Variants in PAX7 observed in about 807,000 individuals in gnomAD.
The protein encoded by PAX7 is paired box 7.
PAX7 carries 18 observed loss-of-function variants against 50.7 expected under a neutral mutation model. The observed-to-expected ratio is 0.36, with a 90% CI of 0.25 to 0.53. The LOEUF is 0.53. Among genes scored for constraint, PAX7 ranks in the 20% least tolerant of loss-of-function variants. PAX7 has a pLI of 0.93. For synonymous variants in PAX7, 310 were observed against 290.4 expected (o/e 1.07, Z -0.69); for missense variants, 644 against 702.9 (o/e 0.92, Z 0.95).
chr1:18,718,562 C>T (rs573195845), intron 7 of PAX7, among the ~76,000 whole-genome samples: 14 of 152,090 alleles, frequency 9.2e-5, no homozygotes, highest in Admixed American at 1.3e-4. Context: ...AGTGGAGGAA[C>T]GTGGGGATCT....
In PAX7 at chr1:18,636,753, A is replaced by AG. The variant is rs1229508755; in HGVS notation, c.586+387dup. Among the ~76,000 whole-genome samples, 1 of 110,246 alleles carries AG rather than the reference A, an allele frequency of 9.1e-6. No individual in the cohort carries two copies. Among genetic ancestry groups the AG allele is most frequent in the African/African-American group, 3.5e-5 (1 of 28,950 alleles). The allele number at this position is 110,246 out of a possible 152,430, so 72.3% of individuals were successfully genotyped here. On this transcript the variant is annotated intron_variant, in intron 4 of 8. Transcript: ENST00000420770. The surrounding 1 kb of genome is among the most constrained non-coding windows in gnomAD (Gnocchi z 5.1). ...CAATTATTTATAGGAAACTTGGGCA[A>AG]GGGGGCGGGGGACGGGAGGGAGGGA...
At chr1:18,744,693 G>GATGGATGGATGGAGGGATAA (rs1931346165) in intron 8 of PAX7, 121 bp from the exon 9 acceptor site, 1 of 322,486 alleles carries the variant, frequency 3.1e-6, no homozygotes, top group Non-Finnish European at 5.3e-6. Context: ...TGGATAAATG[G>GATGGATGGATGGAGGGATAA]ATGGATGGAT....
At chr1:18,669,506 A>G (rs2088712926) in intron 4 of PAX7, among the ~76,000 whole-genome samples, 1 of 152,208 alleles carries the variant, frequency 6.6e-6, no homozygotes, top group Non-Finnish European at 1.5e-5. Context: ...AGCAAGTCAC[A>G]TTCCCTCTCT....
intron 1 of PAX7, among the ~76,000 whole-genome samples, 169 bp downstream of exon 1, chr1:18,631,857 T>C (rs1472981117): frequency 6.6e-6 from 1 of 152,116 alleles, no homozygotes; most frequent in East Asian, 1.9e-4. Flanking sequence ...CTGGGACCCA[T>C]ACTTGTCCGC....
In PAX7 at chr1:18,631,676, T is replaced by A. The variant is rs1455400108; in HGVS notation, c.73T>A (p.Phe25Ile). The change falls in exon 1 of 9, where the codon TTC (phenylalanine) becomes ATC (isoleucine). Residue 25 changes from phenylalanine to isoleucine, a missense_variant. Coordinates refer to ENST00000420770, the MANE Select transcript of PAX7 (RefSeq NM_001135254.2). ...GGGGCAGAACTACCCCCGCACGGGA[T>A]TCCCTTTGGAAGGTAAGAACGCCCA... ...APGQNYPRTG[F>I]PLEVSTPLGQ... 2 of 1,612,386 alleles carry A rather than the reference T, an allele frequency of 1.2e-6. No homozygotes were observed. Among genetic ancestry groups the A allele is most frequent in the Non-Finnish European group, 1.7e-6 (2 of 1,179,600 alleles).
chr1:18,661,426 T>C (rs1203402897), intron 4 of PAX7, among the ~76,000 whole-genome samples: 4 of 152,220 alleles, frequency 2.6e-5, no homozygotes, highest in African/African-American at 4.8e-5. Flanking sequence ...GATTAGACTT[T>C]AATCCTCCTC....
chr1:18,661,875 G>T (rs1414255733), intron 4 of PAX7, among the ~76,000 whole-genome samples: 4 of 152,238 alleles, frequency 2.6e-5, no homozygotes, highest in Non-Finnish European at 5.9e-5. Context: ...CCGGGAGGGG[G>T]AAGTTAAGCG....
chr1:18,716,666 GTCC>G (rs1487954392), intron 7 of PAX7, among the ~76,000 whole-genome samples: 1 of 150,788 alleles, frequency 6.6e-6, no homozygotes, highest in East Asian at 2.0e-4. Context: ...TCCAGCCTGG[GTCC>G]TCTCTCCACC....
chr1:18,716,994 G>C (rs1358676858), intron 7 of PAX7, among the ~76,000 whole-genome samples: 1 of 151,520 alleles, frequency 6.6e-6, no homozygotes, highest in Non-Finnish European at 1.5e-5. Flanking sequence ...CCGGAGCGGG[G>C]ATCGGGTCTG....
chr1:18,703,188 C>T lies in PAX7; in HGVS notation c.1047C>T (p.Ser349=), dbSNP rs777057626. The T allele has an allele frequency of 1.3e-5, 21 of 1,613,678 alleles. No individual in the cohort carries two copies. The South Asian group carries it at 2.3e-4, about 18-fold the overall frequency. ...CAGCGGCTGCAGCCGCCGACACCAG[C>T]TCTGCCTACGGAGCCCGCCACAGCT... The part of the protein sequence containing the change: ...LAAAAAAADT[S]SAYGARHSFS... Residue 349 remains serine, a synonymous_variant, in exon 7 of 9, where the codon AGC becomes AGT. Transcript: ENST00000420770.
chr1:18,710,990 C>T (rs528583397), intron 7 of PAX7, among the ~76,000 whole-genome samples: 26 of 152,366 alleles, frequency 1.7e-4, no homozygotes, highest in Non-Finnish European at 1.3e-4. Context: ...GCGCCCCGCC[C>T]AGCCCTTCCT....
rs549729406 is a variant in PAX7 at position 18,731,439 on chromosome 1, C to G, written c.1156-4193C>G. ...ACCTGGGTGCAAATCCCAGCTCTGC[C>G]ACTTACCGGCTGTGTGGTTGTGGGT... On this transcript the variant is annotated intron_variant, in intron 7 of 8. Transcript: ENST00000420770. Among the ~76,000 whole-genome samples, 7 of 152,272 alleles carry G rather than the reference C, an allele frequency of 4.6e-5. No homozygotes were observed. In the South Asian group the frequency reaches 1.5e-3, roughly 32 times the overall value.
chr1:18,662,059 A>C (rs936241430), intron 4 of PAX7, among the ~76,000 whole-genome samples: 1 of 135,194 alleles, frequency 7.4e-6, no homozygotes, highest in African/African-American at 2.8e-5. Context: ...TGCCTGCACC[A>C]GTGTCCTAGA....
chr1:18,639,410 C>G (rs1276067913), intron 4 of PAX7, among the ~76,000 whole-genome samples: 1 of 125,992 alleles, frequency 7.9e-6, no homozygotes, highest in African/African-American at 3.2e-5. Context: ...TTTTTTTGCT[C>G]TTATCCTTGT....
chr1:18,683,346 G>A (rs766829011), intron 4 of PAX7, among the ~76,000 whole-genome samples: 2 of 152,176 alleles, frequency 1.3e-5, no homozygotes, highest in African/African-American at 2.4e-5. Context: ...TCTAAATTTC[G>A]TTTTCTTTGA....
At chr1:18,727,371 T>TACACACAC (rs56258552) in intron 7 of PAX7, among the ~76,000 whole-genome samples, 233 of 134,072 alleles carry the variant, frequency 1.7e-3, no homozygotes, top group East Asian at 9.0e-3. Context: ...CTCTCTCTCA[T>TACACACAC]ACACACACAC....
At position 18,745,836 on chromosome 1, in the gene PAX7, T is replaced by C. The variant is rs976174088; in HGVS notation, c.*907T>C. The C allele has an allele frequency of 2.2e-5, 5 of 232,200 alleles. No homozygotes were observed. The highest frequency in any genetic ancestry group is 4.3e-5 in the Non-Finnish European group (5 of 117,464). 14.4% of individuals were successfully genotyped at this position (232,200 alleles called of 1,614,324 possible). A position where few individuals can be genotyped will look rare whatever the true frequency, so the allele number is the denominator to read the frequency against. ...ATGAGATGGGGAGGGGATAAAGTCT[T>C]GAGGATACATGAGTGGAGGAGCAGG... On this transcript the variant is annotated 3_prime_UTR_variant, in exon 9 of 9. Coordinates refer to ENST00000420770, the MANE Select transcript of PAX7 (RefSeq NM_001135254.2).
In PAX7 at chr1:18,713,716, A is replaced by G. The variant is rs140550153; in HGVS notation, c.1155+10420A>G. On this transcript the variant is annotated intron_variant, in intron 7 of 8. Coordinates refer to ENST00000420770, the MANE Select transcript of PAX7 (RefSeq NM_001135254.2). ...CAGACAGGAAGACCAGAGGAAGTCT[A>G]GAGGAGGGAGGGCATAGTCAGAGAA... 6.1e-3 allele frequency among the ~76,000 whole-genome samples: 934 copies of G among 152,294 alleles called. 10 individuals carry two copies. The highest frequency in any genetic ancestry group is 0.021 in the African/African-American group (878 of 41,554).
chr1:18,727,371 TA>T (rs1557555233), intron 7 of PAX7, among the ~76,000 whole-genome samples: 23,621 of 133,386 alleles, frequency 0.18, 2,088 homozygotes, highest in Admixed American at 0.2. Context: ...CTCTCTCTCA[TA>T]CACACACACA....
Sources: allele counts gnomAD v4.1 joint callset (sites outside exome capture counted in the v4.1 genomes callset), GRCh38; gene constraint gnomAD v4.1.1; non-coding constraint Gnocchi (gnomAD v3.1); transcripts MANE v1.5; gene names NCBI Gene and HGNC (gene_info 2026-07-23, HGNC 2026-07-21).